The following DDX50 variants were observed in gnomAD, a reference collection of about 807,000 sequenced individuals.
DDX50 encodes the protein ATP-dependent RNA helicase DDX50.
DDX50 carries 56 observed loss-of-function variants against 94.8 expected under a neutral mutation model. The observed-to-expected ratio is 0.59, with a 90% CI of 0.48 to 0.74. DDX50 has a LOEUF of 0.74. DDX50 is among the 30% of genes least tolerant of loss of function. The probability of loss-of-function intolerance (pLI) is 0.00; values close to 1 mark genes in which losing one functional copy is unlikely to be tolerated. For synonymous variants in DDX50, 264 were observed against 295.4 expected (o/e 0.89, Z 1.09); for missense variants, 713 against 881.2 (o/e 0.81, Z 2.42).
chr10:68,939,757 CTT>C (rs1476780222), intron 12 of DDX50, among the ~76,000 whole-genome samples: 2 of 152,132 alleles, frequency 1.3e-5, no homozygotes, highest in South Asian at 4.1e-4. Flanking sequence ...TCCCTATACT[CTT>C]TGTTCCCTAA....
At chr10:68,920,864 GA>G (rs1375546246) in intron 8 of DDX50, among the ~76,000 whole-genome samples, 2 of 147,700 alleles carry the variant, frequency 1.4e-5, no homozygotes, top group East Asian at 4.0e-4. Context: ...AGAATTGCGT[GA>G]ACCCAGGAGT....
At chr10:68,940,712 C>G (rs939253677) in intron 12 of DDX50, among the ~76,000 whole-genome samples, 4 of 152,088 alleles carry the variant, frequency 2.6e-5, no homozygotes, top group Non-Finnish European at 5.9e-5. Flanking sequence ...GCCACCACAC[C>G]CAGCCAAGGT....
At chr10:68,929,715 C>T (rs12415194) in intron 8 of DDX50, among the ~76,000 whole-genome samples, 10,888 of 148,656 alleles carry the variant, frequency 0.073, 521 homozygotes, top group African/African-American at 0.13. Context: ...TGAGCCACTG[C>T]GCCTGGCCTC....
intron 2 of DDX50, 77 bp from the exon 3 acceptor site, chr10:68,910,230 A>G: frequency 2.4e-6 from 3 of 1,258,402 alleles, no homozygotes; most frequent in East Asian, 2.5e-5. Flanking sequence ...TTGTAAGTTA[A>G]TCTGTAAAAA....
intron 1 of DDX50, among the ~76,000 whole-genome samples, chr10:68,901,915 T>C (rs886148239): frequency 6.6e-6 from 1 of 152,220 alleles, no homozygotes; most frequent in Non-Finnish European, 1.5e-5. Context: ...ATCTTAGGTT[T>C]ACAGACCTCA....
At chr10:68,909,194 T>G (rs1474032433) in intron 2 of DDX50, among the ~76,000 whole-genome samples, 1 of 152,214 alleles carries the variant, frequency 6.6e-6, no homozygotes, top group Non-Finnish European at 1.5e-5. Flanking sequence ...TTTGTTTAAA[T>G]GGCATGCCAT....
At chr10:68,936,190 C>A in intron 11 of DDX50, 111 bp downstream of exon 11, 1 of 784,462 alleles carries the variant, frequency 1.3e-6, no homozygotes, top group Non-Finnish European at 2.0e-6. Context: ...TACCAGCAGA[C>A]ATTTAGTTAT....
At chr10:68,920,483 G>GT (rs886350687) in intron 8 of DDX50, among the ~76,000 whole-genome samples, 9 of 151,384 alleles carry the variant, frequency 5.9e-5, no homozygotes, top group South Asian at 2.1e-4. Context: ...GATTTTATCA[G>GT]TTTTTTTTTA....
chr10:68,930,091 C>T (rs572876755), intron 8 of DDX50, among the ~76,000 whole-genome samples: 33 of 142,152 alleles, frequency 2.3e-4, no homozygotes, highest in African/African-American at 8.0e-4. Context: ...TCCCTTCCTT[C>T]CTTCCTTCCT....
intron 14 of DDX50, among the ~76,000 whole-genome samples, chr10:68,943,987 GT>G (rs1365508458): frequency 3.9e-5 from 6 of 152,150 alleles, no homozygotes; most frequent in Non-Finnish European, 7.3e-5. Context: ...TTCATAGCCA[GT>G]TTTGTTTCAT....
intron 7 of DDX50, 22 bp from the exon 8 acceptor site, chr10:68,919,810 G>GTGGTA: frequency 6.2e-7 from 1 of 1,603,014 alleles, no homozygotes; most frequent in Non-Finnish European, 8.5e-7. Context: ...AACAAATAAT[G>GTGGTA]TGGTATTTTC....
intron 7 of DDX50, among the ~76,000 whole-genome samples, chr10:68,915,726 AAAG>A (rs1841768422): frequency 1.3e-5 from 2 of 151,972 alleles, no homozygotes; most frequent in Non-Finnish European, 2.9e-5. Flanking sequence ...AAAAAAAAAA[AAAG>A]AAAAAAGAAC....
intron 1 of DDX50, among the ~76,000 whole-genome samples, 156 bp downstream of exon 1, chr10:68,901,627 C>G (rs1841289842): frequency 6.6e-6 from 1 of 152,198 alleles, no homozygotes; most frequent in South Asian, 2.1e-4. Flanking sequence ...GCTCAGGGAC[C>G]GTTTCCACCT....
intron 1 of DDX50, among the ~76,000 whole-genome samples, chr10:68,903,504 A>G (rs914849180): frequency 6.6e-6 from 1 of 151,424 alleles, no homozygotes; most frequent in Non-Finnish European, 1.5e-5. Context: ...CATCTCTACT[A>G]AAAATACCAA....
intron 3 of DDX50, 124 bp downstream of exon 3, chr10:68,910,506 G>A (rs1841595108): frequency 7.6e-6 from 5 of 661,866 alleles, no homozygotes; most frequent in Non-Finnish European, 1.2e-5. Flanking sequence ...GGGTTCAAGC[G>A]ATTCTCCTAC....
intron 8 of DDX50, among the ~76,000 whole-genome samples, chr10:68,932,980 T>C (rs1055107582): frequency 6.6e-6 from 1 of 152,122 alleles, no homozygotes; most frequent in African/African-American, 2.4e-5. Flanking sequence ...CTTCTAGATA[T>C]GTATCCTACT....
At chr10:68,935,765 G>T (rs1214078808) in intron 10 of DDX50, among the ~76,000 whole-genome samples, 1 of 152,086 alleles carries the variant, frequency 6.6e-6, no homozygotes, top group Non-Finnish European at 1.5e-5. Context: ...AGCCCAGGAG[G>T]TGGAGGTTGC....
chr10:68,902,853 TTTGA>T (rs1304977878), intron 1 of DDX50, among the ~76,000 whole-genome samples: 1 of 152,260 alleles, frequency 6.6e-6, no homozygotes, highest in Non-Finnish European at 1.5e-5. Flanking sequence ...ATCTTCATCA[TTTGA>T]TTGACATTTG....
intron 14 of DDX50, among the ~76,000 whole-genome samples, chr10:68,944,346 A>T (rs1412782729): frequency 6.6e-6 from 1 of 151,998 alleles, no homozygotes; most frequent in African/African-American, 2.4e-5. Flanking sequence ...AAGTATCTTT[A>T]TCTGTTGAAG....
Sources: allele counts gnomAD v4.1 joint callset (sites outside exome capture counted in the v4.1 genomes callset), GRCh38; gene constraint gnomAD v4.1.1; transcripts MANE v1.5; gene names NCBI Gene and HGNC (gene_info 2026-07-23, HGNC 2026-07-21).